Variants in RAD54B observed in about 807,000 individuals in gnomAD.
RAD54B encodes RAD54 homolog B.
RAD54B carries 78 observed loss-of-function variants against 95.8 expected under a neutral mutation model. That is an observed-to-expected ratio of 0.81 (90% confidence interval 0.68 to 0.98). The LOEUF is 0.98. Ranked by LOEUF, RAD54B falls within the 50% of genes least tolerant of loss-of-function variation. The pLI is 0.00. For synonymous variants in RAD54B, 328 were observed against 354.9 expected, an observed-to-expected ratio of 0.92 and a Z score of 0.85; for missense variants, 957 against 1,056.6, an observed-to-expected ratio of 0.91 and a Z score of 1.31.
At chr8:94,447,632 T>C (rs1812554920) in intron 3 of RAD54B, among the ~76,000 whole-genome samples, 1 of 152,198 alleles carries the variant, frequency 6.6e-6, no homozygotes, top group African/African-American at 2.4e-5. Flanking sequence ...CTCTTCACGA[T>C]GGCAAACTAA....
intron 2 of RAD54B, among the ~76,000 whole-genome samples, chr8:94,462,487 T>A (rs1233986920): frequency 6.6e-6 from 1 of 152,170 alleles, no homozygotes; most frequent in Non-Finnish European, 1.5e-5. Flanking sequence ...TTCTGACTCC[T>A]GTATTATTCA....
intron 3 of RAD54B, among the ~76,000 whole-genome samples, chr8:94,439,479 T>A (rs991852383): frequency 2.0e-5 from 3 of 152,214 alleles, no homozygotes; most frequent in Non-Finnish European, 2.9e-5. Context: ...AAACTCTGTA[T>A]AAAATATTTT....
In RAD54B at chr8:94,467,473, G is replaced by T; in HGVS notation, c.67C>A (p.Pro23Thr). The T allele has an allele frequency of 1.2e-6, 2 of 1,613,484 alleles. No homozygotes were observed. The highest frequency in any genetic ancestry group is 1.7e-6 in the Non-Finnish European group (2 of 1,179,738). ...TTCAGACCTGGATTACTTCTTCCTG[G>T]AGGTATAAATTTTGGTTTTTTGAAG... ...NSFKKPKFIP[P>T]GRSNPGLNEE... Residue 23 changes from proline to threonine, a missense_variant, in exon 2 of 15, where the codon CCA becomes ACA. Coordinates refer to ENST00000336148, the MANE Select transcript of RAD54B (RefSeq NM_012415.3).
intron 6 of RAD54B, among the ~76,000 whole-genome samples, chr8:94,401,055 A>G (rs1264162906): frequency 1.3e-5 from 2 of 152,310 alleles, no homozygotes; most frequent in East Asian, 3.9e-4. Context: ...TATTAGTAAG[A>G]CCATGTATTT....
intron 3 of RAD54B, chr8:94,428,558 G>C: frequency 3.6e-6 from 1 of 275,634 alleles, no homozygotes; most frequent in Non-Finnish European, 5.5e-6. Context: ...TTAGGATACA[G>C]GACAAGTGAG....
rs548546076 is a variant in RAD54B at position 94,434,474 on chromosome 8, A to C, written c.305-23159T>G. Among the ~76,000 whole-genome samples, 15 of 152,020 alleles carry C rather than the reference A, an allele frequency of 9.9e-5. No individual in the cohort carries two copies. In the East Asian group the frequency reaches 2.7e-3, roughly 27 times the overall value. On this transcript the variant is annotated intron_variant, in intron 3 of 14. Coordinates refer to ENST00000336148, the MANE Select transcript of RAD54B (RefSeq NM_012415.3). ...TAGGAAGAGGTAAAAATAAAGACAT[A>C]AGTCAATGTGAGTTACAGAAAATAA...
At chr8:94,422,617 A>AAAAATAGAT (rs1554606249) in intron 3 of RAD54B, among the ~76,000 whole-genome samples, 1 of 43,572 alleles carries the variant, frequency 2.3e-5, no homozygotes, top group Non-Finnish European at 3.9e-5. Flanking sequence ...AAAAAAAAAA[A>AAAAATAGAT]ATATATATAT....
chr8:94,433,024 C>T (rs1812155450), intron 3 of RAD54B, among the ~76,000 whole-genome samples: 1 of 152,092 alleles, frequency 6.6e-6, no homozygotes, highest in Non-Finnish European at 1.5e-5. Context: ...CCATTTAATG[C>T]ATTCTCAGTC....
chr8:94,401,877 A>G (rs1811274029), intron 6 of RAD54B, among the ~76,000 whole-genome samples: 1 of 152,200 alleles, frequency 6.6e-6, no homozygotes, highest in Admixed American at 6.5e-5. Flanking sequence ...TCATCCTTTC[A>G]CGATAAAGAG....
At chr8:94,446,437 G>A (rs1161566499) in intron 3 of RAD54B, among the ~76,000 whole-genome samples, 1 of 152,136 alleles carries the variant, frequency 6.6e-6, no homozygotes, top group East Asian at 1.9e-4. Flanking sequence ...ACTGAGGCAA[G>A]AAAATATATA....
Position 94,467,514 on chromosome 8 carries a change from T to C in RAD54B, c.26A>G (p.Gln9Arg). The C allele has an allele frequency of 6.2e-7, 1 of 1,613,566 alleles. No homozygotes were observed. The highest frequency in any genetic ancestry group is 1.1e-5 in the South Asian group (1 of 91,060). ...TTTTTTGAAGGAATTCCCCTGCAAC[T>C]GACTTGGTGCTGCAGATCGTCTCAT... The part of the protein sequence containing the change: MRRSAAPS[Q>R]LQGNSFKKPK... Residue 9 changes from glutamine (Q) to arginine (R), a missense_variant, in exon 2 of 15, where the codon CAG becomes CGG. Transcript: ENST00000336148.
chr8:94,427,591 T>G, intron 3 of RAD54B: 1 of 395,812 alleles, frequency 2.5e-6, no homozygotes, highest in Non-Finnish European at 3.4e-6. Flanking sequence ...ATATGGTACA[T>G]TGGCCATCTA....
At chr8:94,400,677 T>C (rs953084539) in intron 6 of RAD54B, among the ~76,000 whole-genome samples, 1 of 152,142 alleles carries the variant, frequency 6.6e-6, no homozygotes, top group African/African-American at 2.4e-5. Context: ...AATTAGAGAG[T>C]TGAATCTAAA....
chr8:94,439,498 G>T (rs1458539636), intron 3 of RAD54B, among the ~76,000 whole-genome samples: 1 of 152,190 alleles, frequency 6.6e-6, no homozygotes, highest in Non-Finnish European at 1.5e-5. Flanking sequence ...TTTAGAGATT[G>T]ATTCTGAGCC....
At chr8:94,398,708 G>C (rs543953808) in intron 8 of RAD54B, among the ~76,000 whole-genome samples, 3 of 152,094 alleles carry the variant, frequency 2.0e-5, no homozygotes, top group South Asian at 2.1e-4. Context: ...CGGCAAAGTG[G>C]AAGGGCCATA....
intron 14 of RAD54B, among the ~76,000 whole-genome samples, chr8:94,373,631 T>A (rs1389524493): frequency 6.6e-6 from 1 of 152,228 alleles, no homozygotes; most frequent in East Asian, 1.9e-4. Context: ...CAATGACCTG[T>A]TACACAAATG....
chr8:94,391,459 A>G, intron 10 of RAD54B, 150 bp downstream of exon 10: 1 of 675,728 alleles, frequency 1.5e-6, no homozygotes, highest in Non-Finnish European at 2.3e-6. Context: ...AGGCTGGATA[A>G]GCTCTACAGC....
intron 2 of RAD54B, among the ~76,000 whole-genome samples, chr8:94,464,700 T>G (rs975765955): frequency 1.3e-5 from 2 of 152,172 alleles, no homozygotes; most frequent in South Asian, 4.1e-4. Context: ...TTAAATTATA[T>G]CTGTATTAGT....
chr8:94,376,083 T>A (rs1389794662), intron 14 of RAD54B, among the ~76,000 whole-genome samples: 1 of 152,150 alleles, frequency 6.6e-6, no homozygotes, highest in African/African-American at 2.4e-5. Flanking sequence ...ATCTGGCTAA[T>A]ATGACAGAAT....
Sources: gnomAD v4.1 joint callset for allele counts (sites outside exome capture counted in the v4.1 genomes callset) on GRCh38, gnomAD v4.1.1 for gene constraint, MANE v1.5 for transcripts, NCBI Gene and HGNC (gene_info 2026-07-23, HGNC 2026-07-21) for gene names.